CLIP2: variants seen among roughly 807,000 people sequenced by gnomAD.
The protein encoded by CLIP2 is CAP-Gly domain containing linker protein 2.
In CLIP2, 41 loss-of-function variants were observed where a neutral mutation model predicts 111.7. The ratio of observed to expected loss-of-function variants is 0.37; its 90% CI spans 0.29 to 0.48. CLIP2 has a LOEUF of 0.48. Ranked by LOEUF, CLIP2 falls within the 20% of genes least tolerant of loss-of-function variation. The probability of loss-of-function intolerance (pLI) is 0.99; values close to 1 mark genes in which losing one functional copy is unlikely to be tolerated. For missense variants in CLIP2, 1,160 were observed against 1,422.1 expected, an observed-to-expected ratio of 0.82 and a Z score of 2.96; for synonymous variants, 660 against 644.2, an observed-to-expected ratio of 1.02 and a Z score of -0.37.
chr7:74,352,482 A>C (rs56199878), intron 3 of CLIP2, among the ~76,000 whole-genome samples: 9,269 of 151,988 alleles, frequency 0.061, 657 homozygotes, highest in East Asian at 0.37. Flanking sequence ...ACAATCATCA[A>C]AGATAGTTAT....
chr7:74,385,737 CTTTTT>C (rs869087670), intron 11 of CLIP2, among the ~76,000 whole-genome samples: 66 of 117,684 alleles, frequency 5.6e-4, no homozygotes, highest in Admixed American at 5.4e-4. Flanking sequence ...GTCGGGTCTT[CTTTTT>C]TTTTTTTTTT....
chr7:74,371,675 G>A (rs1225893547), intron 8 of CLIP2, among the ~76,000 whole-genome samples: 2 of 133,718 alleles, frequency 1.5e-5, no homozygotes, highest in Non-Finnish European at 3.2e-5. Flanking sequence ...AAGAAAGGAG[G>A]GAGAGAGACG....
At chr7:74,293,065 C>T (rs1044302367) in intron 1 of CLIP2, among the ~76,000 whole-genome samples, 3 of 152,150 alleles carry the variant, frequency 2.0e-5, no homozygotes. Flanking sequence ...CTGACGTGGC[C>T]CCTTTAATAA....
intron 8 of CLIP2, among the ~76,000 whole-genome samples, chr7:74,371,940 T>G (rs1210611675): frequency 2.0e-5 from 3 of 152,230 alleles, no homozygotes; most frequent in Non-Finnish European, 4.4e-5. Flanking sequence ...GGGGTTTTAT[T>G]ACAGGTTTCA....
chr7:74,357,261 C>T lies in CLIP2; in HGVS notation c.1018-19C>T, dbSNP rs376640637. ...GCTTCAGATCCCTGAGACCCGCCTG[C>T]ATCCACACCTTCCTGCAGCTCACGG... is the stretch of plus-strand genomic sequence containing the variant. On this transcript the variant is annotated intron_variant, in intron 5 of 16. Coordinates refer to ENST00000223398, the MANE Select transcript of CLIP2 (RefSeq NM_003388.5). The T allele has an allele frequency of 4.3e-6, 7 of 1,612,272 alleles. No individual in the cohort carries two copies. The highest frequency in any genetic ancestry group is 3.3e-4 in the Middle Eastern group (2 of 6,058).
intron 1 of CLIP2, among the ~76,000 whole-genome samples, chr7:74,305,854 A>G (rs1385346315): frequency 1.8e-5 from 1 of 54,514 alleles, no homozygotes; most frequent in Non-Finnish European, 3.2e-5. Flanking sequence ...CCTGCACCCC[A>G]ACCCCCCCCC....
At chr7:74,298,964 G>A (rs1788249166) in intron 1 of CLIP2, among the ~76,000 whole-genome samples, 1 of 152,184 alleles carries the variant, frequency 6.6e-6, no homozygotes, top group Non-Finnish European at 1.5e-5. Context: ...GAATGTGGGT[G>A]GGTGTCTGTG....
chr7:74,305,857 C>A (rs1197151458), intron 1 of CLIP2, among the ~76,000 whole-genome samples: 6 of 105,892 alleles, frequency 5.7e-5, no homozygotes, highest in Admixed American at 3.7e-4. Context: ...GCACCCCAAC[C>A]CCCCCCCACC....
chr7:74,293,315 T>G (rs1404789225), intron 1 of CLIP2, among the ~76,000 whole-genome samples: 1 of 152,094 alleles, frequency 6.6e-6, no homozygotes, highest in African/African-American at 2.4e-5. Context: ...CTGGCTTTCC[T>G]CTCTGTGGAC....
chr7:74,311,078 C>T (rs1788629883), intron 1 of CLIP2, among the ~76,000 whole-genome samples: 1 of 151,330 alleles, frequency 6.6e-6, no homozygotes, highest in African/African-American at 2.4e-5. Flanking sequence ...CCCCTGGGTT[C>T]ACGCCATTCT....
intron 14 of CLIP2, among the ~76,000 whole-genome samples, chr7:74,398,057 C>G (rs1791511027): frequency 6.6e-6 from 1 of 151,840 alleles, no homozygotes; most frequent in Non-Finnish European, 1.5e-5. Context: ...TAGCATAGCA[C>G]AGGACCATCC....
intron 1 of CLIP2, among the ~76,000 whole-genome samples, chr7:74,292,990 A>G (rs1788069171): frequency 6.6e-6 from 1 of 152,142 alleles, no homozygotes; most frequent in African/African-American, 2.4e-5. Flanking sequence ...AGTTGGCTGT[A>G]TCTTTCCACT....
intron 2 of CLIP2, among the ~76,000 whole-genome samples, chr7:74,322,999 G>T (rs1789004784): frequency 6.6e-6 from 1 of 152,028 alleles, no homozygotes; most frequent in Non-Finnish European, 1.5e-5. Flanking sequence ...AAAGCGCTGG[G>T]ATTACAGGTA....
intron 3 of CLIP2, among the ~76,000 whole-genome samples, chr7:74,347,893 A>T (rs1483615491): frequency 6.6e-6 from 1 of 152,174 alleles, no homozygotes; most frequent in African/African-American, 2.4e-5. Context: ...AACAGAAAGG[A>T]AACAGCCCAG....
rs368731513 is a variant in CLIP2, at chr7:74,389,250, G to A, written c.2711G>A (p.Arg904Gln). The change falls in exon 13 of 17, where the codon CGG (arginine) becomes CAG (glutamine). Residue 904 changes from arginine to glutamine, a missense_variant. Around this residue, in one of 5 missense-constraint regions of CLIP2, gnomAD observed 676 missense variants for 777.8 expected, o/e 0.87. Coordinates refer to ENST00000223398, the MANE Select transcript of CLIP2 (RefSeq NM_003388.5). ...GTCCTCATCAGCCAGGAGCTGCTGC[G>A]GAAGGAGCGGTGAGGCGGCCGTGGG... ...QLVLISQELL[R>Q]KERSLNELRV... 1.1e-5 allele frequency: 17 copies of A among 1,599,308 alleles called. No individual in the cohort carries two copies. Among genetic ancestry groups the A allele is most frequent in the African/African-American group, 4.0e-5 (3 of 74,390 alleles).
chr7:74,291,477 G>A (rs909154745), intron 1 of CLIP2, among the ~76,000 whole-genome samples: 3 of 152,200 alleles, frequency 2.0e-5, no homozygotes, highest in African/African-American at 7.2e-5. Flanking sequence ...CCACTCCCTA[G>A]CTATGTGACC....
At chr7:74,327,635 G>A (rs1039651403) in intron 2 of CLIP2, among the ~76,000 whole-genome samples, 15 of 152,168 alleles carry the variant, frequency 9.9e-5, no homozygotes, top group African/African-American at 2.7e-4. Flanking sequence ...TCCCTTCAAG[G>A]GCAACTTCTC....
In CLIP2 at chr7:74,317,500, G is replaced by T; in HGVS notation, c.-47G>T. 1 of 1,352,642 alleles carries T rather than the reference G, an allele frequency of 7.4e-7. No homozygotes were observed. Among genetic ancestry groups the T allele is most frequent in the South Asian group, 2.1e-5 (1 of 46,674 alleles). 83.8% of individuals were successfully genotyped at this position (1,352,642 alleles called of 1,614,324 possible). On this transcript the variant is annotated 5_prime_UTR_variant, in exon 2 of 17. The change creates a new upstream start codon in the 5' untranslated region. Coordinates refer to ENST00000223398, the MANE Select transcript of CLIP2 (RefSeq NM_003388.5). Reference sequence around the variant, plus strand: ...CGCAGGTGAGTGAAGATGGCAGAGAGGACGTGACCAGCACTCACCCTTGTC... The same window carrying T: ...CGCAGGTGAGTGAAGATGGCAGAGATGACGTGACCAGCACTCACCCTTGTC...
intron 8 of CLIP2, among the ~76,000 whole-genome samples, chr7:74,364,614 CT>C (rs1790424098): frequency 6.6e-6 from 1 of 152,148 alleles, no homozygotes; most frequent in South Asian, 2.1e-4. Flanking sequence ...CCTGTCCCTT[CT>C]TCTTAGGCAA....
Sources: gnomAD v4.1 joint callset for allele counts (sites outside exome capture counted in the v4.1 genomes callset) on GRCh38, gnomAD v4.1.1 for gene constraint, gnomAD v4.1.1 regional missense constraint, MANE v1.5 for transcripts, NCBI Gene and HGNC (gene_info 2026-07-23, HGNC 2026-07-21) for gene names.